The following JARID2 variants were observed in gnomAD, a reference collection of about 807,000 sequenced individuals.
JARID2 encodes jumonji and AT-rich interaction domain containing 2.
JARID2 carries 21 observed loss-of-function variants against 125.6 expected under a neutral mutation model. The observed-to-expected ratio is 0.17, with a 90% CI of 0.12 to 0.24. The LOEUF (loss-of-function observed/expected upper bound fraction) is 0.24, where lower values mean the gene tolerates loss of function less well. Ranked by LOEUF, JARID2 falls within the 10% of genes least tolerant of loss-of-function variation. The pLI is 1.00. For missense variants in JARID2, 1,303 were observed against 1,639.6 expected, an observed-to-expected ratio of 0.79 and a Z score of 3.55; for synonymous variants, 736 against 661.6, an observed-to-expected ratio of 1.11 and a Z score of -1.73.
Position 15,354,250 on chromosome 6 carries a change from A to G in JARID2, c.46-19867A>G, listed in dbSNP as rs986992313. 5.9e-5 allele frequency among the ~76,000 whole-genome samples: 9 copies of G among 152,342 alleles called. No individual in the cohort carries two copies. The South Asian group carries it at 1.9e-3, about 32-fold the overall frequency. ...GGAGTGATGCAGTTTGAGGATGGAT[A>G]AGGGGGCCACAAGCCATGGCATATT... On this transcript the variant is annotated intron_variant, in intron 1 of 17. Coordinates refer to ENST00000341776, the MANE Select transcript of JARID2 (RefSeq NM_004973.4).
intron 16 of JARID2, among the ~76,000 whole-genome samples, chr6:15,516,424 G>A (rs749834828): frequency 1.3e-5 from 2 of 152,218 alleles, no homozygotes; most frequent in Non-Finnish European, 2.9e-5. Context: ...CCCTAGACAG[G>A]CCCCCAGTGA....
intron 2 of JARID2, among the ~76,000 whole-genome samples, chr6:15,391,860 C>T (rs865879391): frequency 1.8e-4 from 28 of 152,216 alleles, no homozygotes; most frequent in African/African-American, 6.5e-4. Flanking sequence ...GTGTTGAAGG[C>T]ATGCTCCTGC....
chr6:15,497,261 T>TG, intron 7 of JARID2, 91 bp downstream of exon 7: 1 of 1,010,392 alleles, frequency 9.9e-7, no homozygotes, highest in Non-Finnish European at 1.4e-6. Flanking sequence ...TCTCTTCCCT[T>TG]GCGAAAGCTC....
intron 2 of JARID2, among the ~76,000 whole-genome samples, chr6:15,391,423 G>A (rs1298469075): frequency 6.6e-6 from 1 of 152,182 alleles, no homozygotes; most frequent in Non-Finnish European, 1.5e-5. Flanking sequence ...TGTAATGGAG[G>A]CTAGATCTGT....
At chr6:15,400,917 C>T in intron 2 of JARID2, 2 of 1,289,254 alleles carry the variant, frequency 1.6e-6, no homozygotes, top group Non-Finnish European at 2.0e-6. Context: ...GTCCTTCTTC[C>T]TCTCTGTCTC....
At chr6:15,360,325 C>G (rs947263573) in intron 1 of JARID2, among the ~76,000 whole-genome samples, 2 of 152,076 alleles carry the variant, frequency 1.3e-5, no homozygotes, top group African/African-American at 4.8e-5. Context: ...GCTGGAATTA[C>G]AGGCATGTGC....
chr6:15,411,622 CT>C (rs1765881819), intron 3 of JARID2, among the ~76,000 whole-genome samples: 1 of 152,206 alleles, frequency 6.6e-6, no homozygotes, highest in African/African-American at 2.4e-5. Context: ...AAACATTCCC[CT>C]GTTCCAGTTT....
At chr6:15,390,086 C>T (rs953989712) in intron 2 of JARID2, among the ~76,000 whole-genome samples, 1 of 152,070 alleles carries the variant, frequency 6.6e-6, no homozygotes, top group Admixed American at 6.5e-5. Flanking sequence ...TTTTTTCACC[C>T]CCTGCCTCCT....
At chr6:15,443,752 A>G (rs1042396070) in intron 3 of JARID2, among the ~76,000 whole-genome samples, 5 of 152,194 alleles carry the variant, frequency 3.3e-5, no homozygotes, top group Admixed American at 1.3e-4. Flanking sequence ...GCTTGGAGCT[A>G]GAGAGAGCCT....
chr6:15,466,438 T>G (rs573893608), intron 4 of JARID2, among the ~76,000 whole-genome samples: 2 of 152,380 alleles, frequency 1.3e-5, no homozygotes, highest in South Asian at 4.1e-4. Context: ...TGGGAGGAAC[T>G]ATTTAACCTA....
At chr6:15,414,159 T>TCAA (rs1218901559) in intron 3 of JARID2, among the ~76,000 whole-genome samples, 1 of 152,184 alleles carries the variant, frequency 6.6e-6, no homozygotes, top group Admixed American at 6.5e-5. Flanking sequence ...GGATTGTATG[T>TCAA]GCTTGACTTC....
intron 1 of JARID2, among the ~76,000 whole-genome samples, chr6:15,371,858 G>C (rs1331888276): frequency 6.6e-6 from 1 of 152,168 alleles, no homozygotes; most frequent in Non-Finnish European, 1.5e-5. Context: ...TCTTGGGAGA[G>C]CGGACAGGAA....
intron 3 of JARID2, among the ~76,000 whole-genome samples, chr6:15,435,621 T>G (rs1767168124): frequency 6.6e-6 from 1 of 152,228 alleles, no homozygotes; most frequent in South Asian, 2.1e-4. Context: ...CTTGTTTGTT[T>G]ATTACCTCAT....
intron 3 of JARID2, among the ~76,000 whole-genome samples, chr6:15,429,358 T>C (rs1224681131): frequency 6.6e-6 from 1 of 151,980 alleles, no homozygotes; most frequent in African/African-American, 2.4e-5. Context: ...CTTGGATTCC[T>C]GGGCTCAAGC....
chr6:15,356,789 C>T (rs996118454), intron 1 of JARID2, among the ~76,000 whole-genome samples: 6 of 151,974 alleles, frequency 3.9e-5, no homozygotes, highest in Admixed American at 6.6e-5. Flanking sequence ...CCGAGGCAGG[C>T]GGATCACTTG....
chr6:15,498,720 G>T (rs1367271700), intron 7 of JARID2, among the ~76,000 whole-genome samples: 3 of 152,388 alleles, frequency 2.0e-5, no homozygotes, highest in Admixed American at 2.0e-4. Flanking sequence ...CTGAGTGACA[G>T]TCACCTTAAC....
rs527827319 is a variant in JARID2 at position 15,431,659 on chromosome 6, A to G, written c.324-20347A>G. On this transcript the variant is annotated intron_variant, in intron 3 of 17. Transcript: ENST00000341776. ...TAATTGAAATTAAGTTTCTAAAGAAAGTGTTGAAGACTCTTATCTTTTTCC... is the reference window on the plus strand; with the variant it reads ...TAATTGAAATTAAGTTTCTAAAGAAGGTGTTGAAGACTCTTATCTTTTTCC... Among the ~76,000 whole-genome samples, 3 of 152,356 alleles carry G rather than the reference A, an allele frequency of 2.0e-5. No individual in the cohort carries two copies. The South Asian group carries it at 6.2e-4, about 32-fold the overall frequency.
intron 4 of JARID2, among the ~76,000 whole-genome samples, chr6:15,454,424 C>T (rs905398600): frequency 5.3e-5 from 8 of 152,254 alleles, no homozygotes; most frequent in South Asian, 2.1e-4. Flanking sequence ...CAGGGAGATA[C>T]GAGGTAGGTG....
intron 3 of JARID2, 131 bp from the exon 4 acceptor site, chr6:15,451,875 C>T: frequency 1.1e-6 from 1 of 876,792 alleles, no homozygotes; most frequent in East Asian, 2.7e-5. Flanking sequence ...AGATATAGAA[C>T]CTTAATTAGG....
Sources: gnomAD v4.1 joint callset for allele counts (sites outside exome capture counted in the v4.1 genomes callset) on GRCh38, gnomAD v4.1.1 for gene constraint, MANE v1.5 for transcripts, NCBI Gene and HGNC (gene_info 2026-07-23, HGNC 2026-07-21) for gene names.